JMJD1C: variants seen among roughly 807,000 people sequenced by gnomAD.
The protein encoded by JMJD1C is jumonji domain containing 1C, also known as jumonji domain-containing protein 1C.
JMJD1C carries 31 observed loss-of-function variants against 245.3 expected under a neutral mutation model. That is an observed-to-expected ratio of 0.13 (90% CI 0.09 to 0.17). The LOEUF is 0.17. Ranked by LOEUF, JMJD1C falls within the 10% of genes least tolerant of loss-of-function variation. The pLI is 1.00. For synonymous variants in JMJD1C, 1,057 were observed against 1,017.4 expected (o/e 1.04, Z -0.74); for missense variants, 2,691 against 3,000.2 (o/e 0.90, Z 2.41).
chr10:63,376,052 A>G (rs1946714824), intron 2 of JMJD1C, among the ~76,000 whole-genome samples: 1 of 152,222 alleles, frequency 6.6e-6, no homozygotes, highest in Non-Finnish European at 1.5e-5. Context: ...ACAAAGCAAC[A>G]GTAATCAAAA....
chr10:63,219,039 T>C (rs1239648800), intron 4 of JMJD1C, among the ~76,000 whole-genome samples: 3 of 152,130 alleles, frequency 2.0e-5, no homozygotes, highest in Non-Finnish European at 4.4e-5. Flanking sequence ...CAGCCAAGAT[T>C]TGATAGTTGT....
intron 8 of JMJD1C, among the ~76,000 whole-genome samples, chr10:63,211,766 G>C (rs1221833368): frequency 7.1e-6 from 1 of 141,398 alleles, no homozygotes; most frequent in Non-Finnish European, 1.5e-5. Context: ...AGAGGTTGCA[G>C]TGAGCCGAGA....
At chr10:63,506,700 C>T (rs188556201) in intron 1 of JMJD1C, among the ~76,000 whole-genome samples, 13 of 152,254 alleles carry the variant, frequency 8.5e-5, no homozygotes, top group African/African-American at 3.1e-4. Context: ...ACAGACACAA[C>T]CTCCTCCAAT....
chr10:63,468,702 A>C (rs1764864625), upstream of JMJD1C, among the ~76,000 whole-genome samples: 2 of 152,252 alleles, frequency 1.3e-5, no homozygotes, highest in South Asian at 4.1e-4. Flanking sequence ...TGTCCATTAA[A>C]TATGCCTATG....
chr10:63,262,988 T>C (rs1854984286), intron 3 of JMJD1C, among the ~76,000 whole-genome samples: 1 of 152,198 alleles, frequency 6.6e-6, no homozygotes, highest in Non-Finnish European at 1.5e-5. Context: ...AAAGTGCTAA[T>C]AATACAACCA....
intron 1 of JMJD1C, among the ~76,000 whole-genome samples, chr10:63,475,327 C>T (rs1372709703): frequency 6.6e-6 from 1 of 152,082 alleles, no homozygotes; most frequent in East Asian, 1.9e-4. Flanking sequence ...TAGAAATAGC[C>T]TTCAATTTGG....
intron 3 of JMJD1C, among the ~76,000 whole-genome samples, chr10:63,255,505 G>C (rs1207916424): frequency 6.6e-6 from 1 of 152,130 alleles, no homozygotes; most frequent in African/African-American, 2.4e-5. Context: ...TGTGACTTGA[G>C]TTCCTAACTT....
intron 10 of JMJD1C, among the ~76,000 whole-genome samples, chr10:63,206,085 C>T (rs759312573): frequency 1.3e-5 from 2 of 152,134 alleles, no homozygotes; most frequent in African/African-American, 2.4e-5. Context: ...TTTTGGTATC[C>T]GTGGGGGCGT....
chr10:63,338,423 C>CA (rs1266245411), intron 2 of JMJD1C, among the ~76,000 whole-genome samples: 6 of 152,082 alleles, frequency 3.9e-5, no homozygotes, highest in African/African-American at 1.4e-4. Context: ...CATGAGCCAC[C>CA]ATTCTCAGCC....
chr10:63,343,200 A>G (rs1352656642), intron 2 of JMJD1C, among the ~76,000 whole-genome samples: 2 of 152,074 alleles, frequency 1.3e-5, no homozygotes, highest in East Asian at 3.9e-4. Context: ...TGTCTCTACA[A>G]AAAATTTTTT....
At chr10:63,198,326 T>C (rs1189378204) in intron 12 of JMJD1C, among the ~76,000 whole-genome samples, 187 bp downstream of exon 12, 1 of 152,190 alleles carries the variant, frequency 6.6e-6, no homozygotes, top group Non-Finnish European at 1.5e-5. Flanking sequence ...TCACAAATGG[T>C]TAATTGACTC....
chr10:63,194,864 T>C (rs888421669), intron 13 of JMJD1C, among the ~76,000 whole-genome samples: 3 of 152,236 alleles, frequency 2.0e-5, no homozygotes, highest in Admixed American at 1.3e-4. Context: ...TTAACTGCTA[T>C]TGCTGACTTC....
intron 1 of JMJD1C, among the ~76,000 whole-genome samples, chr10:63,458,484 TAAAA>T: frequency 7.1e-6 from 1 of 141,474 alleles, no homozygotes; most frequent in African/African-American, 2.6e-5. Context: ...ACCCTGTCTT[TAAAA>T]AAAAAAAAAA....
At position 63,213,713 on chromosome 10, in the gene JMJD1C, A is replaced by C. The variant is rs891446342; in HGVS notation, c.2454T>G (p.Ala818=). 34 of 1,614,098 alleles carry C rather than the reference A, an allele frequency of 2.1e-5. No homozygotes were observed. The highest frequency in any genetic ancestry group is 2.9e-5 in the Non-Finnish European group (34 of 1,180,030). The part of the protein sequence containing the change: ...LLGGHPRLES[A]HASSLSHLAL... ...CTAAGTGGCTCAAGCTGCTGGCATGAGCACTCTCTAGTCGTGGGTGGCCAC... is the reference window on the plus strand; with the variant it reads ...CTAAGTGGCTCAAGCTGCTGGCATGCGCACTCTCTAGTCGTGGGTGGCCAC... Residue 818 remains alanine (A), a synonymous_variant, in exon 8 of 26, where the codon GCT becomes GCG. Transcript: ENST00000399262.
At chr10:63,263,966 A>ACC (rs1855164106) in intron 3 of JMJD1C, among the ~76,000 whole-genome samples, 1 of 79,364 alleles carries the variant, frequency 1.3e-5, no homozygotes, top group Non-Finnish European at 2.5e-5. Flanking sequence ...ACATACACAC[A>ACC]CACACACACA....
At chr10:63,390,178 T>C (rs1189557175) in intron 1 of JMJD1C, among the ~76,000 whole-genome samples, 1 of 151,482 alleles carries the variant, frequency 6.6e-6, no homozygotes, top group African/African-American at 2.4e-5. Flanking sequence ...ATAAACAAAA[T>C]CAGAAACGAA....
intron 2 of JMJD1C, among the ~76,000 whole-genome samples, chr10:63,346,020 T>C (rs1003751198): frequency 7.2e-5 from 11 of 152,196 alleles, no homozygotes; most frequent in African/African-American, 2.7e-4. Context: ...TCTGTGTTTT[T>C]CACAAATCAT....
intron 2 of JMJD1C, among the ~76,000 whole-genome samples, chr10:63,307,608 A>G (rs974001315): frequency 4.6e-5 from 7 of 152,282 alleles, no homozygotes; most frequent in East Asian, 3.9e-4. Flanking sequence ...TTAAACAGGC[A>G]TAAGAAATGG....
chr10:63,350,437 G>A (rs1944254927), intron 2 of JMJD1C, among the ~76,000 whole-genome samples: 1 of 152,004 alleles, frequency 6.6e-6, no homozygotes, highest in Non-Finnish European at 1.5e-5. Context: ...CATAGTAATA[G>A]TGCCAAGAAA....
Sources: allele counts gnomAD v4.1 joint callset (sites outside exome capture counted in the v4.1 genomes callset), GRCh38; gene constraint gnomAD v4.1.1; transcripts MANE v1.5; gene names NCBI Gene and HGNC (gene_info 2026-07-23, HGNC 2026-07-21).